The following DST variants were observed in gnomAD, a reference collection of about 807,000 sequenced individuals.
The protein encoded by DST is dystonin.
In DST, 253 loss-of-function variants were observed where a neutral mutation model predicts 875.2. That is an observed-to-expected ratio of 0.29 (90% CI 0.26 to 0.32). The LOEUF is 0.32. Among genes scored for constraint, DST ranks in the 10% least tolerant of loss-of-function variants. DST has a pLI of 1.00. For missense variants in DST, 8,287 were observed against 9,111.6 expected (o/e 0.91, Z 3.68); for synonymous variants, 3,124 against 3,197.1 (o/e 0.98, Z 0.77).
intron 5 of DST, among the ~76,000 whole-genome samples, chr6:56,716,094 A>T (rs556596000): frequency 6.6e-6 from 1 of 152,150 alleles, no homozygotes; most frequent in East Asian, 1.9e-4. Flanking sequence ...CACCCCTAAA[A>T]CTCTTATCCA....
intron 4 of DST, among the ~76,000 whole-genome samples, chr6:56,794,191 A>G (rs539369663): frequency 6.6e-6 from 1 of 152,336 alleles, no homozygotes; most frequent in African/African-American, 2.4e-5. Context: ...ATACACACCA[A>G]GTATTTCGAC....
At chr6:56,492,499 T>G (rs1339498826) in intron 84 of DST, 66 bp from the exon 85 acceptor site, 1 of 1,458,428 alleles carries the variant, frequency 6.9e-7, no homozygotes, top group Admixed American at 2.0e-5. Context: ...AAAATGCTTC[T>G]GGTGTCATAA....
At chr6:56,782,331 C>T (rs1460036880) in intron 4 of DST, among the ~76,000 whole-genome samples, 8 of 152,198 alleles carry the variant, frequency 5.3e-5, no homozygotes, top group African/African-American at 1.2e-4. Context: ...TGGTAGAATT[C>T]GGCTGTGAAT....
At chr6:56,751,233 T>A (rs1051179223) in intron 4 of DST, among the ~76,000 whole-genome samples, 3 of 152,054 alleles carry the variant, frequency 2.0e-5, no homozygotes, top group Non-Finnish European at 4.4e-5. Flanking sequence ...AATAGAAAAA[T>A]TATCAAGTCA....
intron 5 of DST, among the ~76,000 whole-genome samples, chr6:56,710,543 T>C: frequency 6.6e-6 from 1 of 152,212 alleles, no homozygotes; most frequent in African/African-American, 2.4e-5. Flanking sequence ...CATAAAAAAT[T>C]AGCTGTCAGG....
chr6:56,631,860 C>T, intron 29 of DST, 23 bp downstream of exon 29: 1 of 1,612,100 alleles, frequency 6.2e-7, no homozygotes, highest in East Asian at 2.2e-5. Context: ...TAGTTTTTTT[C>T]CCAACATATT....
At chr6:56,526,717 C>T in intron 68 of DST, 150 bp from the exon 69 acceptor site, 1 of 634,846 alleles carries the variant, frequency 1.6e-6, no homozygotes, top group South Asian at 3.2e-5. Context: ...TTAAATAAAC[C>T]TTTTTTATCT....
Position 56,492,931 on chromosome 6 carries a change from T to C in DST, c.20550+3A>G. On this transcript the variant is annotated splice_donor_region_variant and intron_variant, in intron 84 of 103. Coordinates refer to ENST00000680361, the MANE Select transcript of DST (RefSeq NM_001374736.1). ...AATCCTATCTATTTGACTCACTACA[T>C]ACCTTGTGTTCGTCAATTTGAAATA... 2 of 1,583,114 alleles carry C rather than the reference T, an allele frequency of 1.3e-6. No individual in the cohort carries two copies. Among genetic ancestry groups the C allele is most frequent in the Non-Finnish European group, 1.7e-6 (2 of 1,160,072 alleles).
Position 56,578,988 on chromosome 6 carries a change from T to C in DST, c.12904-51A>G, listed in dbSNP as rs962078341. The C allele has an allele frequency of 1.1e-5, 16 of 1,414,906 alleles. No homozygotes were observed. The Admixed American group carries it at 3.0e-4, about 26-fold the overall frequency. 87.6% of individuals were successfully genotyped at this position (1,414,906 alleles called of 1,614,324 possible). A position where few individuals can be genotyped will look rare whatever the true frequency, so the allele number is the denominator to read the frequency against. On this transcript the variant is annotated intron_variant, in intron 49 of 103. Coordinates refer to ENST00000680361, the MANE Select transcript of DST (RefSeq NM_001374736.1). ...ATACTCAGCAGGACTAAATAATAGA[T>C]TTCTAATGTGGAAAAAATGATTTCT...
In DST at chr6:56,547,136, G is replaced by C. The variant is rs559848933; in HGVS notation, c.16608+5048C>G. Among the ~76,000 whole-genome samples the C allele has an allele frequency of 9.2e-5, 14 of 152,288 alleles. No homozygotes were observed. The South Asian group carries it at 2.9e-3, about 32-fold the overall frequency. On this transcript the variant is annotated intron_variant, in intron 61 of 103. Coordinates refer to ENST00000680361, the MANE Select transcript of DST (RefSeq NM_001374736.1). ...CATGTTGCAAAGTTCCCTTTTGACA[G>C]CCCTTTCCGAGAAGTATGGTATATT...
Position 56,871,424 on chromosome 6 carries a change from G to A in DST, c.418-19820C>T, listed in dbSNP as rs536877274. ...GTGCCCAGGCCAAGCAGTGAGGCCG[G>A]ACACAAGGTCGGTGGCCCAAAAAGA... On this transcript the variant is annotated intron_variant, in intron 3 of 103. Coordinates refer to ENST00000680361, the MANE Select transcript of DST (RefSeq NM_001374736.1). 3.8e-6 allele frequency: 6 copies of A among 1,594,672 alleles called. No individual in the cohort carries two copies. The African/African-American group carries it at 6.7e-5, about 18-fold the overall frequency.
chr6:56,489,362 T>G, intron 86 of DST, 128 bp downstream of exon 86: 1 of 874,096 alleles, frequency 1.1e-6, no homozygotes. Flanking sequence ...GCTTTTAAAT[T>G]TAATACAGGT....
chr6:56,945,386 T>A (rs1040373585), intron 2 of DST, among the ~76,000 whole-genome samples: 1 of 152,152 alleles, frequency 6.6e-6, no homozygotes, highest in Non-Finnish European at 1.5e-5. Flanking sequence ...GAGGGAGCCA[T>A]CTATTCTATC....
chr6:56,621,985 GA>G (rs1454297053), intron 36 of DST, among the ~76,000 whole-genome samples: 4 of 152,106 alleles, frequency 2.6e-5, no homozygotes, highest in African/African-American at 9.7e-5. Context: ...AATTCATACA[GA>G]AACAAATCTC....
Position 56,606,347 on chromosome 6 carries a change from C to T in DST, c.8281G>A (p.Asp2761Asn). 1 of 1,612,932 alleles carries T rather than the reference C, an allele frequency of 6.2e-7. No individual in the cohort carries two copies. The highest frequency in any genetic ancestry group is 1.3e-5 in the African/African-American group (1 of 75,000). ...ESFTASLKFD[D>N]SGSWRGRKEE... ...TTTCTTCCTCTCCAACTGCCACTGTCATCAAATTTTAATGATGCAGTGAAG... is the reference window on the plus strand; with the variant it reads ...TTTCTTCCTCTCCAACTGCCACTGTTATCAAATTTTAATGATGCAGTGAAG... Residue 2761 changes from aspartate (D) to asparagine (N), a missense_variant, in exon 40 of 104, where the codon GAC becomes AAC. Physicochemically the swap from Asp to Asn is conservative, Grantham distance 23. This residue lies in a region of DST where 3,138 missense variants were observed against 3,116.6 expected (regional missense o/e 1.01). Coordinates refer to ENST00000680361, the MANE Select transcript of DST (RefSeq NM_001374736.1).
At chr6:56,767,193 T>C (rs917747396) in intron 4 of DST, among the ~76,000 whole-genome samples, 2 of 152,224 alleles carry the variant, frequency 1.3e-5, no homozygotes, top group African/African-American at 4.8e-5. Context: ...TCATACATTT[T>C]TTAAAACTAA....
chr6:56,691,789 A>G (rs1563706051), intron 9 of DST, among the ~76,000 whole-genome samples: 2 of 152,126 alleles, frequency 1.3e-5, no homozygotes, highest in African/African-American at 4.8e-5. Context: ...CTACCCTAAC[A>G]ATTTCTGATT....
Position 56,504,107 on chromosome 6 carries a change from C to T in DST, c.19465-9G>A. 6.3e-7 allele frequency: 1 copy of T among 1,584,032 alleles called. No homozygotes were observed. On this transcript the variant is annotated splice_polypyrimidine_tract_variant and intron_variant, in intron 77 of 103. Coordinates refer to ENST00000680361, the MANE Select transcript of DST (RefSeq NM_001374736.1). ...ACCCAGTCAAATACCGCCTGAAAGA[C>T]ACATTCGCCCACGTGTTGTTACAAC...
At chr6:56,853,862 A>C (rs1356820899) in intron 3 of DST, among the ~76,000 whole-genome samples, 1 of 152,144 alleles carries the variant, frequency 6.6e-6, no homozygotes, top group African/African-American at 2.4e-5. Context: ...AGAGAAAAAG[A>C]GGAAAAGACA....
Sources: gnomAD v4.1 joint callset for allele counts (sites outside exome capture counted in the v4.1 genomes callset) on GRCh38, gnomAD v4.1.1 for gene constraint, gnomAD v4.1.1 regional missense constraint, MANE v1.5 for transcripts, NCBI Gene and HGNC (gene_info 2026-07-23, HGNC 2026-07-21) for gene names.